Variants in SPTB observed in about 807,000 individuals in gnomAD.
SPTB encodes spectrin beta chain, erythrocytic.
A neutral mutation model predicts 256.2 loss-of-function variants in SPTB; 45 were observed. The ratio of observed to expected loss-of-function variants is 0.18; its 90% CI spans 0.14 to 0.23. SPTB has a LOEUF of 0.23. Ranked by LOEUF, SPTB falls within the 10% of genes least tolerant of loss-of-function variation. The pLI, the probability that SPTB is intolerant of heterozygous loss-of-function variation, is 1.00. For synonymous variants in SPTB, 1,231 were observed against 1,243.1 expected (o/e 0.99, Z 0.21); for missense variants, 2,715 against 3,040.4 (o/e 0.89, Z 2.52).
rs1429308497 is a variant in SPTB at position 64,772,481 on chromosome 14, C to T, written c.5553+99G>A. 7.9e-6 allele frequency: 12 copies of T among 1,514,006 alleles called. No individual in the cohort carries two copies. The highest frequency in any genetic ancestry group is 1.1e-5 in the Non-Finnish European group (12 of 1,128,764). 93.8% of individuals were successfully genotyped at this position (1,514,006 alleles called of 1,614,324 possible). A position where few individuals can be genotyped will look rare whatever the true frequency, so the allele number is the denominator to read the frequency against. On this transcript the variant is annotated intron_variant, in intron 26 of 35. Transcript: ENST00000644917. This position sits in a 1 kb window ranked among gnomAD's most constrained non-coding sequence, Gnocchi z 5.4. Reference sequence around the variant, plus strand: ...TGTCTAAGGAGGCAAAACCTCCTGGCACTTATCCTAGAGGTTTTCCTGCTG... The same window carrying T: ...TGTCTAAGGAGGCAAAACCTCCTGGTACTTATCCTAGAGGTTTTCCTGCTG...
intron 1 of SPTB, among the ~76,000 whole-genome samples, chr14:64,838,032 C>T (rs1000640098): frequency 1.3e-5 from 2 of 152,178 alleles, no homozygotes; most frequent in Non-Finnish European, 2.9e-5. Flanking sequence ...TACCACAAAG[C>T]TACAGTCATC....
rs1351117039 is a variant in SPTB, at chr14:64,826,429, T to C, written c.-51-3284A>G. ...GGACACCTAATTGAATGGGGAGTCA[T>C]GGAAATGACATTTAAGTTGCTACCT... On this transcript the variant is annotated intron_variant, in intron 1 of 35. Coordinates refer to ENST00000644917, the MANE Select transcript of SPTB (RefSeq NM_001355436.2). This position sits in a 1 kb window ranked among gnomAD's most constrained non-coding sequence, Gnocchi z 4.4. Among the ~76,000 whole-genome samples the C allele has an allele frequency of 2.0e-5, 3 of 152,158 alleles. No individual in the cohort carries two copies. Among genetic ancestry groups the C allele is most frequent in the Non-Finnish European group, 4.4e-5 (3 of 68,024 alleles).
intron 32 of SPTB, among the ~76,000 whole-genome samples, chr14:64,765,525 C>T (rs1264728550): frequency 6.6e-6 from 1 of 152,184 alleles, no homozygotes; most frequent in Non-Finnish European, 1.5e-5. Flanking sequence ...TTGAGCCAGG[C>T]CTCTGGCTCA....
rs1279582799 is a variant in SPTB, at chr14:64,767,754, C to T, written c.6128G>A (p.Ser2043Asn). 6.2e-7 allele frequency: 1 copy of T among 1,614,094 alleles called. No homozygotes were observed. Among genetic ancestry groups the T allele is most frequent in the African/African-American group, 1.3e-5 (1 of 74,934 alleles). ...ASGDFGHTVD[S>N]VEKLIKRHEA... The stretch of plus-strand genomic sequence containing the variant: ...ATGCCTCTTGATGAGCTTCTCCACA[C>T]TGTCCACTGTGTGTCCAAAGTCCCC... Residue 2043 changes from serine to asparagine, a missense_variant, in exon 30 of 36, where the codon AGT (serine) becomes AAT (asparagine). Around this residue, in one of 4 missense-constraint regions of SPTB, gnomAD observed 2,239 missense variants for 2,384.4 expected, o/e 0.94. Coordinates refer to ENST00000644917, the MANE Select transcript of SPTB (RefSeq NM_001355436.2).
At position 64,792,218 on chromosome 14, in the gene SPTB, C is replaced by T. The variant is rs554068855; in HGVS notation, c.2667-362G>A. 5.3e-5 allele frequency among the ~76,000 whole-genome samples: 8 copies of T among 152,298 alleles called. No individual in the cohort carries two copies. In the South Asian group the frequency reaches 1.2e-3, roughly 24 times the overall value. On this transcript the variant is annotated intron_variant, in intron 14 of 35. Transcript: ENST00000644917. The surrounding 1 kb of genome is among the most constrained non-coding windows in gnomAD (Gnocchi z 4.2). ...GCCACCTTCCAGGCCTCTGCTTTTC[C>T]GGCTGTTGCTTTTGGACTCTGAGTC...
rs769095162 is a variant in SPTB at position 64,753,649 on chromosome 14, C to G, written c.6490G>C (p.Asp2164His). 2.0e-5 allele frequency: 32 copies of G among 1,613,622 alleles called. No individual in the cohort carries two copies. Among genetic ancestry groups the G allele is most frequent in the Non-Finnish European group, 2.1e-5 (25 of 1,180,046 alleles). Residue 2164 changes from aspartate to histidine, a missense_variant, in exon 33 of 36, where the codon GAT becomes CAT. Around this residue, in one of 4 missense-constraint regions of SPTB, gnomAD observed 2,239 missense variants for 2,384.4 expected, o/e 0.94. Transcript: ENST00000644917. ...GGGGCCGGCAGCGTTGCGGGCTCATCACCCTCGCTCAGAGGCGTATCTAGG... is the reference window on the plus strand; with the variant it reads ...GGGGCCGGCAGCGTTGCGGGCTCATGACCCTCGCTCAGAGGCGTATCTAGG... Reference protein sequence around the residue: ...KVLDTPLSEGDEPATLPAPRD... With the variant: ...KVLDTPLSEGHEPATLPAPRD...
chr14:64,765,773 G>C (rs2082160674), intron 32 of SPTB, among the ~76,000 whole-genome samples: 1 of 151,632 alleles, frequency 6.6e-6, no homozygotes. Flanking sequence ...GCCTGTGGTG[G>C]GGCAGGTGGG....
intron 2 of SPTB, among the ~76,000 whole-genome samples, chr14:64,815,872 G>T (rs905775139): frequency 1.3e-5 from 2 of 152,192 alleles, no homozygotes; most frequent in African/African-American, 2.4e-5. Context: ...TACAGGTGAG[G>T]ATAAAGAGGC....
intron 1 of SPTB, among the ~76,000 whole-genome samples, chr14:64,868,894 C>T (rs1882353150): frequency 6.6e-6 from 1 of 151,932 alleles, no homozygotes; most frequent in Non-Finnish European, 1.5e-5. Flanking sequence ...GGATTCAGAA[C>T]ATTAATTATT....
rs1016959531 is a variant in SPTB at position 64,806,029 on chromosome 14, T to C, written c.149-939A>G. Among the ~76,000 whole-genome samples the C allele has an allele frequency of 6.6e-6, 1 of 151,886 alleles. No homozygotes were observed. Among genetic ancestry groups the C allele is most frequent in the Admixed American group, 6.6e-5 (1 of 15,262 alleles). On this transcript the variant is annotated intron_variant, in intron 2 of 35. Transcript: ENST00000644917. This position sits in a 1 kb window ranked among gnomAD's most constrained non-coding sequence, Gnocchi z 4.1. The stretch of plus-strand genomic sequence containing the variant: ...TTCAGGTGGGGTACTTCTTACTGCC[T>C]CTGTACAAATAATGCTGGTGGTCTG...
In SPTB at chr14:64,746,907, A is replaced by C. The variant is rs540654572; in HGVS notation, c.*2399T>G. 1 of 151,620 alleles carries C rather than the reference A, an allele frequency of 6.6e-6. No individual in the cohort carries two copies. Among genetic ancestry groups the C allele is most frequent in the Non-Finnish European group, 1.5e-5 (1 of 67,858 alleles). 9.4% of individuals were successfully genotyped at this position (151,620 alleles called of 1,614,324 possible). A position where few individuals can be genotyped will look rare whatever the true frequency, so the allele number is the denominator to read the frequency against. On this transcript the variant is annotated 3_prime_UTR_variant, in exon 36 of 36. Coordinates refer to ENST00000644917, the MANE Select transcript of SPTB (RefSeq NM_001355436.2). The surrounding 1 kb of genome is among the most constrained non-coding windows in gnomAD (Gnocchi z 4.9). ...AATAAGGAGAGAAAAAAAAAAAAAG[A>C]CCTTGCTAGGGCACTGGGAGAGCTT...
Position 64,853,416 on chromosome 14 carries a change from T to C in SPTB, c.-52+26376A>G, listed in dbSNP as rs1363523243. Among the ~76,000 whole-genome samples the C allele has an allele frequency of 1.3e-5, 2 of 152,212 alleles. No homozygotes were observed. Among genetic ancestry groups the C allele is most frequent in the East Asian group, 3.9e-4 (2 of 5,176 alleles). On this transcript the variant is annotated intron_variant, in intron 1 of 35. Coordinates refer to ENST00000644917, the MANE Select transcript of SPTB (RefSeq NM_001355436.2). This position sits in a 1 kb window ranked among gnomAD's most constrained non-coding sequence, Gnocchi z 4.3. The stretch of plus-strand genomic sequence containing the variant: ...AACAAAGCAATTTAGGAGATAACCA[T>C]ATCAGGAAGCCTCAGGGGAGGAAAT...
rs1418100152 is a variant in SPTB, at chr14:64,795,579, C to T, written c.1402G>A (p.Glu468Lys). 13 of 1,614,158 alleles carry T rather than the reference C, an allele frequency of 8.1e-6. No homozygotes were observed. The highest frequency in any genetic ancestry group is 3.3e-5 in the South Asian group (3 of 91,078). The stretch of plus-strand genomic sequence containing the variant: ...TCCTCGTAGGCAGCCGTGTCGGTCT[C>T]GATGGCCTCATGCTTCTTCTTGGCG... Reference protein sequence around the residue: ...EAAKKKHEAIETDTAAYEERV... With the variant: ...EAAKKKHEAIKTDTAAYEERV... The change falls in exon 12 of 36, where the codon GAG becomes AAG. Residue 468 changes from glutamate to lysine, a missense_variant. Coordinates refer to ENST00000644917, the MANE Select transcript of SPTB (RefSeq NM_001355436.2). The surrounding 1 kb of genome is among the most constrained non-coding windows in gnomAD (Gnocchi z 6.5).
chr14:64,783,670 C>A (rs2082512585), intron 19 of SPTB, among the ~76,000 whole-genome samples: 1 of 152,168 alleles, frequency 6.6e-6, no homozygotes, highest in African/African-American at 2.4e-5. Context: ...TCAGTCTGAT[C>A]CTAGGGCTGC....
At chr14:64,766,372 T>G in intron 32 of SPTB, 2 of 1,298,312 alleles carry the variant, frequency 1.5e-6, no homozygotes, top group Non-Finnish European at 9.8e-7. Context: ...AAGGACGGTG[T>G]ACAGAAATGC....
intron 25 of SPTB, 107 bp from the exon 26 acceptor site, chr14:64,773,061 G>A (rs2082302769): frequency 6.4e-7 from 1 of 1,560,438 alleles, no homozygotes. Context: ...TCCGGGAGCT[G>A]CGCTGTCACA....
In SPTB at chr14:64,841,513, G is replaced by A. The variant is rs1194115054; in HGVS notation, c.-51-18368C>T. 2.6e-5 allele frequency among the ~76,000 whole-genome samples: 4 copies of A among 152,190 alleles called. No homozygotes were observed. The highest frequency in any genetic ancestry group is 4.4e-5 in the Non-Finnish European group (3 of 68,040). ...ACTGGAGGCCCAGGAGGCTCTTCAG[G>A]GTCACAGCTAATCCACGCCCTGAGA... On this transcript the variant is annotated intron_variant, in intron 1 of 35. Coordinates refer to ENST00000644917, the MANE Select transcript of SPTB (RefSeq NM_001355436.2). This position sits in a 1 kb window ranked among gnomAD's most constrained non-coding sequence, Gnocchi z 4.6.
chr14:64,846,499 G>T (rs936255716), intron 1 of SPTB, among the ~76,000 whole-genome samples: 4 of 152,240 alleles, frequency 2.6e-5, no homozygotes, highest in Non-Finnish European at 5.9e-5. Flanking sequence ...TAGGTCGTCA[G>T]TATTTGTACC....
At chr14:64,828,982 T>A (rs2083411807) in intron 1 of SPTB, among the ~76,000 whole-genome samples, 1 of 152,136 alleles carries the variant, frequency 6.6e-6, no homozygotes, top group Non-Finnish European at 1.5e-5. Flanking sequence ...TAAAAACCCA[T>A]CAGATAATGG....
Sources: gnomAD v4.1 joint callset for allele counts (sites outside exome capture counted in the v4.1 genomes callset) on GRCh38, gnomAD v4.1.1 for gene constraint, gnomAD v4.1.1 regional missense constraint, Gnocchi (gnomAD v3.1) non-coding constraint, MANE v1.5 for transcripts, NCBI Gene and HGNC (gene_info 2026-07-23, HGNC 2026-07-21) for gene names.